Variants in FCRL6 observed in about 807,000 individuals in gnomAD.
The protein encoded by FCRL6 is Fc receptor like 6, also known as Fc receptor-like protein 6.
Under a neutral mutation model 49.1 loss-of-function variants are expected in FCRL6, and 50 were observed. The ratio of observed to expected loss-of-function variants is 1.02; its 90% confidence interval spans 0.81 to 1.29. FCRL6 has a LOEUF of 1.29. Ranked by LOEUF, FCRL6 falls within the 50% of genes most tolerant of loss-of-function variation. FCRL6 has a pLI of 0.00. For missense variants in FCRL6, 571 were observed against 518.5 expected, an observed-to-expected ratio of 1.10 and a Z score of -0.98; for synonymous variants, 213 against 199.6, an observed-to-expected ratio of 1.07 and a Z score of -0.57.
chr1:159,810,361 A>C, intron 6 of FCRL6, 145 bp downstream of exon 6: 1 of 929,404 alleles, frequency 1.1e-6, no homozygotes, highest in African/African-American at 1.7e-5. Context: ...CCTGTGTCAC[A>C]CAAAGGGGCA....
chr1:159,803,896 C>T (rs528665727), intron 1 of FCRL6, among the ~76,000 whole-genome samples: 81 of 152,230 alleles, frequency 5.3e-4, no homozygotes, highest in Non-Finnish European at 1.0e-3. Flanking sequence ...AAGTGTAGAG[C>T]TGCTATTTCC....
chr1:159,808,820 A>G, intron 3 of FCRL6, 141 bp from the exon 4 acceptor site: 1 of 801,488 alleles, frequency 1.2e-6, no homozygotes, highest in Non-Finnish European at 1.9e-6. Flanking sequence ...TGAGGGTAAG[A>G]GGACGGGTCC....
At chr1:159,803,510 C>G (rs1317460450) in intron 1 of FCRL6, among the ~76,000 whole-genome samples, 4 of 152,160 alleles carry the variant, frequency 2.6e-5, no homozygotes, top group Non-Finnish European at 5.9e-5. Flanking sequence ...CTCGTGTGTT[C>G]TATGAATGGC....
chr1:159,815,882 A>G lies in FCRL6; in HGVS notation c.*221A>G. ...GGAAGGGAGATGCTCCCACCAACAC[A>G]CACACTTAGGTTCAATCAGTGACAC... On this transcript the variant is annotated 3_prime_UTR_variant, in exon 10 of 10. Coordinates refer to ENST00000368106, the MANE Select transcript of FCRL6 (RefSeq NM_001004310.3). 1 of 532,498 alleles carries G rather than the reference A, an allele frequency of 1.9e-6. No homozygotes were observed. Among genetic ancestry groups the G allele is most frequent in the East Asian group, 3.3e-5 (1 of 30,040 alleles). The allele number at this position is 532,498 out of a possible 1,614,324, so 33.0% of individuals were successfully genotyped here.
chr1:159,815,689 C>T lies in FCRL6; in HGVS notation c.*28C>T. ...ATGGTGTTCTCCTATCAACACACGC[C>T]CACCCCCAGTCTCCAGTGCTCCTCA... On this transcript the variant is annotated 3_prime_UTR_variant, in exon 10 of 10. Transcript: ENST00000368106. 2 of 1,612,702 alleles carry T rather than the reference C, an allele frequency of 1.2e-6. No individual in the cohort carries two copies. Among genetic ancestry groups the T allele is most frequent in the Non-Finnish European group, 1.7e-6 (2 of 1,179,702 alleles).
At chr1:159,808,078 C>T in intron 2 of FCRL6, 100 bp from the exon 3 acceptor site, 1 of 1,367,782 alleles carries the variant, frequency 7.3e-7, no homozygotes, top group Non-Finnish European at 1.0e-6. Flanking sequence ...CATCCAAGGG[C>T]CTCCATCCCC....
At chr1:159,806,452 GC>G in intron 1 of FCRL6, 143 bp from the exon 2 acceptor site, 1 of 761,370 alleles carries the variant, frequency 1.3e-6, no homozygotes, top group Non-Finnish European at 2.4e-6. Flanking sequence ...TGGTTGGATG[GC>G]TGTGTGGATG....
At chr1:159,803,917 G>T (rs1662501827) in intron 1 of FCRL6, among the ~76,000 whole-genome samples, 1 of 151,052 alleles carries the variant, frequency 6.6e-6, no homozygotes, top group South Asian at 2.1e-4. Context: ...TCTCTCAAGA[G>T]CAGGGTGTGG....
At position 159,808,206 on chromosome 1, in the gene FCRL6, C is replaced by A. The variant is rs570234860; in HGVS notation, c.81C>A (p.Asn27Lys). The A allele has an allele frequency of 5.6e-6, 9 of 1,613,442 alleles. No homozygotes were observed. The highest frequency in any genetic ancestry group is 7.6e-6 in the Non-Finnish European group (9 of 1,179,426). Residue 27 changes from asparagine to lysine, a missense_variant, in exon 3 of 10, where the codon AAC becomes AAA. Physicochemically the swap from Asn to Lys is moderately conservative, Grantham distance 94 (BLOSUM62 0). Transcript: ENST00000368106. Reference protein sequence around the residue: ...TVWLYLQAWPNPVFEGDALTL... With the variant: ...TVWLYLQAWPKPVFEGDALTL... ...GGCTGTACCTCCAAGCCTGGCCAAA[C>A]CCTGTGTTTGAAGGAGATGCCCTGA...
chr1:159,802,441 C>T lies in FCRL6; in HGVS notation c.17C>T (p.Ala6Val). 1 of 1,613,888 alleles carries T rather than the reference C, an allele frequency of 6.2e-7. No homozygotes were observed. The highest frequency in any genetic ancestry group is 8.5e-7 in the Non-Finnish European group (1 of 1,179,882). Residue 6 changes from alanine (A) to valine (V), a missense_variant, in exon 1 of 10, where the codon GCT becomes GTT. Ala to Val is a moderately conservative substitution (Grantham distance 64). Transcript: ENST00000368106. MLLWTAVLLFVPCVGK... is the reference protein window; with the variant it reads MLLWTVVLLFVPCVGK... The stretch of plus-strand genomic sequence containing the variant: ...ACAGGCCCCATGCTGCTCTGGACGG[C>T]TGTGCTGCTCTTTGGTAAGTCAACG...
intron 7 of FCRL6, 135 bp downstream of exon 7, chr1:159,813,689 C>A: frequency 1.3e-6 from 1 of 745,856 alleles, no homozygotes; most frequent in Non-Finnish European, 2.2e-6. Flanking sequence ...CAAACAGCTT[C>A]TAGAAAGGGC....
chr1:159,815,652 T>C lies in FCRL6; in HGVS notation c.1296T>C (p.Val432=). 1.2e-6 allele frequency: 2 copies of C among 1,614,068 alleles called. No homozygotes were observed. The highest frequency in any genetic ancestry group is 4.5e-5 in the East Asian group (2 of 44,868). The change falls in exon 10 of 10, where the codon GTT becomes GTC. Residue 432 remains valine, a synonymous_variant. Transcript: ENST00000368106. ...AACCCCTTAGCGACTGTGAGGAGGT[T>C]CTCTGCTAGTGATGGTGTTCTCCTA... ...LQEPLSDCEE[V]LC
chr1:159,812,159 A>G (rs572916098), intron 6 of FCRL6, among the ~76,000 whole-genome samples: 88 of 152,332 alleles, frequency 5.8e-4, no homozygotes, highest in African/African-American at 2.0e-3. Context: ...TGCAAACAGG[A>G]CTGCTGGTGG....
intron 6 of FCRL6, among the ~76,000 whole-genome samples, chr1:159,811,695 T>C (rs572621255): frequency 2.1e-4 from 32 of 152,234 alleles, no homozygotes; most frequent in Middle Eastern, 3.4e-3. Flanking sequence ...TAGTCTTGAG[T>C]CTGGATTCAA....
At chr1:159,807,674 G>T (rs1474526030) in intron 2 of FCRL6, among the ~76,000 whole-genome samples, 1 of 152,198 alleles carries the variant, frequency 6.6e-6, no homozygotes, top group East Asian at 1.9e-4. Context: ...CCCACCAGCT[G>T]CTTTCTGGTG....
chr1:159,809,888 G>A (rs548340611), intron 5 of FCRL6, among the ~76,000 whole-genome samples: 18 of 152,216 alleles, frequency 1.2e-4, no homozygotes, highest in African/African-American at 3.9e-4. Context: ...GGAGCCTCAC[G>A]GGGGGAGCAG....
At chr1:159,801,916 T>C (rs1465535975), upstream of FCRL6, among the ~76,000 whole-genome samples, 1 of 151,994 alleles carries the variant, frequency 6.6e-6, no homozygotes, top group African/African-American at 2.4e-5. Flanking sequence ...GCTCCACTTC[T>C]CCATCGCATT....
At chr1:159,805,147 TA>T (rs953451042) in intron 1 of FCRL6, among the ~76,000 whole-genome samples, 4 of 152,056 alleles carry the variant, frequency 2.6e-5, no homozygotes, top group African/African-American at 9.7e-5. Flanking sequence ...AGATGGGGGT[TA>T]GGGGTGGAGA....
At chr1:159,809,781 G>A (rs1662981133) in intron 5 of FCRL6, 98 bp downstream of exon 5, 9 of 1,088,414 alleles carry the variant, frequency 8.3e-6, no homozygotes, top group Admixed American at 1.9e-5. Context: ...GCACAGTGCT[G>A]GACTCATGGC....
Sources: allele counts gnomAD v4.1 joint callset (sites outside exome capture counted in the v4.1 genomes callset), GRCh38; gene constraint gnomAD v4.1.1; transcripts MANE v1.5; gene names NCBI Gene and HGNC (gene_info 2026-07-23, HGNC 2026-07-21).